DYSF: variants seen among roughly 807,000 people sequenced by gnomAD.
DYSF encodes dystrophy-associated fer-1-like 1.
In DYSF, 212 loss-of-function variants were observed where a neutral mutation model predicts 274.9. The observed-to-expected ratio is 0.77, with a 90% CI of 0.69 to 0.86. DYSF has a LOEUF of 0.86. DYSF is among the 40% of genes least tolerant of loss of function. DYSF has a pLI of 0.00. For missense variants in DYSF, 2,666 were observed against 2,783.2 expected, an observed-to-expected ratio of 0.96 and a Z score of 0.95; for synonymous variants, 1,091 against 1,078.7, an observed-to-expected ratio of 1.01 and a Z score of -0.22.
intron 1 of DYSF, among the ~76,000 whole-genome samples, chr2:71,467,229 G>A (rs1237257429): frequency 6.6e-6 from 1 of 152,218 alleles, no homozygotes; most frequent in Non-Finnish European, 1.5e-5. Context: ...AGCTTTTACT[G>A]GGTAGTGGGG....
chr2:71,569,535 C>T (rs1316901967), intron 26 of DYSF, among the ~76,000 whole-genome samples: 1 of 152,166 alleles, frequency 6.6e-6, no homozygotes, highest in Non-Finnish European at 1.5e-5. Context: ...TACAACTATC[C>T]ATCAAGCCTC....
chr2:71,536,283 G>A (rs1247313677), intron 16 of DYSF, among the ~76,000 whole-genome samples: 3 of 152,136 alleles, frequency 2.0e-5, no homozygotes, highest in Non-Finnish European at 2.9e-5. Context: ...GATAATGAGA[G>A]ACTAGGGAAA....
At chr2:71,674,566 T>A (rs368117807) in intron 52 of DYSF, among the ~76,000 whole-genome samples, 35 of 152,292 alleles carry the variant, frequency 2.3e-4, no homozygotes, top group African/African-American at 7.5e-4. Context: ...GGGACTCAGA[T>A]ATGTAAGTAA....
chr2:71,636,109 T>C (rs1041769337), intron 41 of DYSF, among the ~76,000 whole-genome samples: 3 of 152,004 alleles, frequency 2.0e-5, no homozygotes, highest in Non-Finnish European at 4.4e-5. Context: ...TGCAGCAGCA[T>C]GAGTGAGGAA....
chr2:71,546,820 C>T (rs894574440), intron 17 of DYSF, among the ~76,000 whole-genome samples: 4 of 152,254 alleles, frequency 2.6e-5, no homozygotes, highest in African/African-American at 7.2e-5. Context: ...GGCAGCCAGC[C>T]GCCATGGGCT....
At chr2:71,636,682 G>A (rs989805262) in intron 41 of DYSF, among the ~76,000 whole-genome samples, 1 of 152,202 alleles carries the variant, frequency 6.6e-6, no homozygotes, top group Non-Finnish European at 1.5e-5. Flanking sequence ...AGGCTGGACA[G>A]AGCTCAAGGT....
In DYSF at chr2:71,667,512, GCA is replaced by G. The variant is rs762810690; in HGVS notation, c.5455_5456del (p.Gln1819GlyfsTer47). 1 of 1,614,104 alleles carries G rather than the reference GCA, an allele frequency of 6.2e-7. No individual in the cohort carries two copies. Among genetic ancestry groups the G allele is most frequent in the Admixed American group, 1.7e-5 (1 of 60,022 alleles). On this transcript the variant is annotated frameshift_variant and splice_region_variant, in exon 48 of 56. Transcript: ENST00000410020. LOFTEE classifies it high-confidence loss of function. Reference sequence around the variant, plus strand: ...ACAGCCCCCTGCAGCCAGACATCGAGCAGGTAGGACCTTGACCCTTGGGTCCC... The same window carrying G: ...ACAGCCCCCTGCAGCCAGACATCGAGGGTAGGACCTTGACCCTTGGGTCCC... ...LYSPLQPDIE[Q>X]GKLQMWVDLF... is the part of the protein sequence containing the mutation.
chr2:71,674,200 G>A lies in DYSF; in HGVS notation c.5788G>A (p.Ala1930Thr). Reference sequence around the variant, plus strand: ...CTCTGTTCCTCTTCCGGGTCAGGATGCCTTCTGGAGGCTGGACAAGACTGA... The same window carrying A: ...CTCTGTTCCTCTTCCGGGTCAGGATACCTTCTGGAGGCTGGACAAGACTGA... ...EQVCTIAKKDAFWRLDKTESK... is the reference protein window; with the variant it reads ...EQVCTIAKKDTFWRLDKTESK... Residue 1930 changes from alanine (A) to threonine (T), a missense_variant, in exon 52 of 56, where the codon GCC becomes ACC. Coordinates refer to ENST00000410020, the MANE Select transcript of DYSF (RefSeq NM_001130987.2). 6.2e-7 allele frequency: 1 copy of A among 1,614,184 alleles called. No individual in the cohort carries two copies. Among genetic ancestry groups the A allele is most frequent in the South Asian group, 1.1e-5 (1 of 91,084 alleles).
intron 3 of DYSF, among the ~76,000 whole-genome samples, 153 bp from the exon 4 acceptor site, chr2:71,503,061 G>C (rs186569761): frequency 3.5e-4 from 54 of 152,246 alleles, no homozygotes; most frequent in African/African-American, 1.3e-3. Context: ...GTGGTGACTG[G>C]GTGTGGGGGT....
intron 41 of DYSF, among the ~76,000 whole-genome samples, chr2:71,631,728 C>A (rs368754576): frequency 1.3e-5 from 2 of 152,080 alleles, no homozygotes; most frequent in African/African-American, 4.8e-5. Context: ...TCTCCTGTTA[C>A]GGGGGCTGGA....
At chr2:71,622,652 G>A (rs577077305) in intron 41 of DYSF, among the ~76,000 whole-genome samples, 9 of 152,058 alleles carry the variant, frequency 5.9e-5, no homozygotes, top group South Asian at 2.1e-4. Flanking sequence ...GTCTTGCTCC[G>A]TTGCCCAGGC....
intron 36 of DYSF, among the ~76,000 whole-genome samples, chr2:71,608,276 G>C (rs1202520391): frequency 6.6e-6 from 1 of 151,812 alleles, no homozygotes; most frequent in Admixed American, 6.6e-5. Flanking sequence ...GGGTGGATTT[G>C]GGAGATGGGG....
At chr2:71,509,042 T>TG (rs996940446) in intron 4 of DYSF, among the ~76,000 whole-genome samples, 23 of 151,534 alleles carry the variant, frequency 1.5e-4, no homozygotes, top group Non-Finnish European at 2.7e-4. Flanking sequence ...TTTATAGAGA[T>TG]GGGGGGTTTT....
rs975221573 is a variant in DYSF, at chr2:71,637,169, T to A, written c.4528-6796T>A. The stretch of plus-strand genomic sequence containing the variant: ...AGAGAGAGACGTATTCTGTGAATAG[T>A]GGGGCACTGGTGCCTATGTGTGAAG... On this transcript the variant is annotated intron_variant, in intron 41 of 55. Transcript: ENST00000410020. Among the ~76,000 whole-genome samples, 16 of 152,176 alleles carry A rather than the reference T, an allele frequency of 1.1e-4. No individual in the cohort carries two copies. In the East Asian group the frequency reaches 2.7e-3, roughly 26 times the overall value.
chr2:71,553,683 G>A, intron 20 of DYSF, 124 bp from the exon 21 acceptor site: 1 of 1,249,806 alleles, frequency 8.0e-7, no homozygotes, highest in South Asian at 1.3e-5. Context: ...TGTCCCACGT[G>A]TGGTCCCTTT....
In DYSF at chr2:71,667,389, C is replaced by T. The variant is rs2152953932; in HGVS notation, c.5331C>T (p.Ile1777=). The change falls in exon 48 of 56, where the codon ATC becomes ATT. Residue 1777 remains isoleucine, a synonymous_variant. Transcript: ENST00000410020. ...TCTCTGGGGCAGAGGCTGGCAGGAT[C>T]CCAAACCCACACCTGGGCCCAGTGG... ...YSIEEIEAGR[I]PNPHLGPVEE... 1 of 1,614,112 alleles carries T rather than the reference C, an allele frequency of 6.2e-7. No homozygotes were observed. The highest frequency in any genetic ancestry group is 8.5e-7 in the Non-Finnish European group (1 of 1,180,032).
At chr2:71,552,894 G>T in intron 19 of DYSF, 117 bp from the exon 20 acceptor site, 1 of 1,043,438 alleles carries the variant, frequency 9.6e-7, no homozygotes, top group Non-Finnish European at 1.5e-6. Flanking sequence ...CGTCAGTCCA[G>T]CCAGGAGCTA....
At chr2:71,521,635 G>A (rs1028474675) in intron 12 of DYSF, among the ~76,000 whole-genome samples, 2 of 152,140 alleles carry the variant, frequency 1.3e-5, no homozygotes, top group Non-Finnish European at 2.9e-5. Context: ...TTTGTGCAGG[G>A]AGGGAGAGGA....
In DYSF at chr2:71,660,631, G is replaced by T. The variant is rs142301132; in HGVS notation, c.4983G>T (p.Thr1661=). 325 of 1,614,054 alleles carry T rather than the reference G, an allele frequency of 2.0e-4. No individual in the cohort carries two copies. The highest frequency in any genetic ancestry group is 2.5e-4 in the Non-Finnish European group (295 of 1,179,894). The part of the protein sequence containing the change: ...VSDQDNYIPC[T]LEPVFGKMFE... ...ACCAGGATAACTACATCCCCTGCAC[G>T]CTGGAGCCCGTATTTGGAAAGTAAA... Residue 1661 remains threonine, a synonymous_variant, in exon 45 of 56, where the codon ACG becomes ACT. Transcript: ENST00000410020.
Sources: gnomAD v4.1 joint callset for allele counts (sites outside exome capture counted in the v4.1 genomes callset) on GRCh38, gnomAD v4.1.1 for gene constraint, MANE v1.5 for transcripts, NCBI Gene and HGNC (gene_info 2026-07-23, HGNC 2026-07-21) for gene names.